MYL3: variants seen among roughly 807,000 people sequenced by gnomAD.
MYL3 encodes the protein CMLC1.
MYL3 carries 11 observed loss-of-function variants against 21.3 expected under a neutral mutation model. The observed-to-expected ratio is 0.52, with a 90% confidence interval of 0.32 to 0.85. MYL3 has a LOEUF of 0.85. Among genes scored for constraint, MYL3 ranks in the 40% least tolerant of loss-of-function variants. The pLI is 0.03. For missense variants in MYL3, 206 were observed against 253.3 expected, an observed-to-expected ratio of 0.81 and a Z score of 1.27; for synonymous variants, 88 against 91.6, an observed-to-expected ratio of 0.96 and a Z score of 0.22.
intron 1 of MYL3, among the ~76,000 whole-genome samples, chr3:46,877,431 AC>A (rs1308390714): frequency 6.6e-6 from 1 of 152,214 alleles, no homozygotes; most frequent in Non-Finnish European, 1.5e-5. Flanking sequence ...AGACAGGGAC[AC>A]AGAGACTAAG....
At chr3:46,867,963 C>T (rs765536649), upstream of MYL3, among the ~76,000 whole-genome samples, 7 of 152,216 alleles carry the variant, frequency 4.6e-5, no homozygotes, top group Non-Finnish European at 7.4e-5. Context: ...GATGGGGAGA[C>T]CGTGGCCCCA....
At position 46,859,787 on chromosome 3, in the gene MYL3, C is replaced by T. The variant is rs1701970603; in HGVS notation, c.308-139G>A. ...ACACCAGTTCTCACAGCAGTCTACA[C>T]CAGTTTGCCATTTAAAAGCAAACTA... On this transcript the variant is annotated intron_variant, in intron 3 of 6. Coordinates refer to ENST00000292327, the MANE Select transcript of MYL3 (RefSeq NM_000258.3). This position sits in a 1 kb window ranked among gnomAD's most constrained non-coding sequence, Gnocchi z 4.1. The T allele has an allele frequency of 9.7e-7, 1 of 1,029,536 alleles. No individual in the cohort carries two copies. Among genetic ancestry groups the T allele is most frequent in the Non-Finnish European group, 1.5e-6 (1 of 666,678 alleles). 63.8% of individuals were successfully genotyped at this position (1,029,536 alleles called of 1,614,324 possible).
rs1701977279 is a variant in MYL3, at chr3:46,860,313, A to T, written c.307+363T>A. On this transcript the variant is annotated intron_variant, in intron 3 of 6. Transcript: ENST00000292327. The surrounding 1 kb of genome is among the most constrained non-coding windows in gnomAD (Gnocchi z 4.6). ...CAAGCTAAATTTTTAATTTTTGTAGAGATAGAATCTCACTATGTTACCCAG... is the reference window on the plus strand; with the variant it reads ...CAAGCTAAATTTTTAATTTTTGTAGTGATAGAATCTCACTATGTTACCCAG... 6.6e-6 allele frequency among the ~76,000 whole-genome samples: 1 copy of T among 152,004 alleles called. No homozygotes were observed. The highest frequency in any genetic ancestry group is 1.9e-4 in the East Asian group (1 of 5,184).
chr3:46,881,421 G>T (rs1044673407), intron 1 of MYL3, among the ~76,000 whole-genome samples: 1 of 152,200 alleles, frequency 6.6e-6, no homozygotes, highest in Non-Finnish European at 1.5e-5. Context: ...GTCCGAGCCG[G>T]CCGATAGCTT....
At chr3:46,870,960 C>T (rs1039256077) in intron 1 of MYL3, among the ~76,000 whole-genome samples, 5 of 152,214 alleles carry the variant, frequency 3.3e-5, no homozygotes, top group African/African-American at 1.2e-4. Context: ...ACCATATATC[C>T]TCATGCTTCA....
chr3:46,873,923 G>A (rs990599937), intron 1 of MYL3, among the ~76,000 whole-genome samples: 1 of 152,214 alleles, frequency 6.6e-6, no homozygotes, highest in Non-Finnish European at 1.5e-5. Flanking sequence ...GTCCCCTCCA[G>A]CTTCAGGGAG....
In MYL3 at chr3:46,874,473, C is replaced by T. The variant is rs534380781; in HGVS notation, c.-218+7601G>A. Among the ~76,000 whole-genome samples, 11 of 152,266 alleles carry T rather than the reference C, an allele frequency of 7.2e-5. No individual in the cohort carries two copies. The highest frequency in any genetic ancestry group is 3.4e-3 in the Middle Eastern group (1 of 294). On this transcript the variant is annotated intron_variant, in intron 1 of 3. Coordinates refer to the MYL3 transcript ENST00000431168. The surrounding 1 kb of genome is among the most constrained non-coding windows in gnomAD (Gnocchi z 4.1). ...CTCGAGGGCTCCCGGCCACAGCCCC[C>T]GGCAAGGACCCAGTGTCTGAGCTAA...
At chr3:46,862,225 G>A (rs1475593168) in intron 1 of MYL3, among the ~76,000 whole-genome samples, 1 of 152,234 alleles carries the variant, frequency 6.6e-6, no homozygotes, top group African/African-American at 2.4e-5. Context: ...CCTGCAGAAT[G>A]CAAGCCTGGG....
chr3:46,876,424 C>T (rs2030217106), intron 1 of MYL3, among the ~76,000 whole-genome samples: 1 of 152,202 alleles, frequency 6.6e-6, no homozygotes, highest in Non-Finnish European at 1.5e-5. Context: ...ACAGAATAGC[C>T]TACGTGTCCC....
At position 46,860,519 on chromosome 3, in the gene MYL3, C is replaced by T. The variant is rs1356302083; in HGVS notation, c.307+157G>A. ...CCAGCAAACCATTACTGCATGTCAC[C>T]TGGTCGGCATGGCCCTGTGACTGGC... On this transcript the variant is annotated intron_variant, in intron 3 of 6. Coordinates refer to ENST00000292327, the MANE Select transcript of MYL3 (RefSeq NM_000258.3). The surrounding 1 kb of genome is among the most constrained non-coding windows in gnomAD (Gnocchi z 4.6). 6.6e-6 allele frequency among the ~76,000 whole-genome samples: 1 copy of T among 152,226 alleles called. No individual in the cohort carries two copies. The highest frequency in any genetic ancestry group is 1.5e-5 in the Non-Finnish European group (1 of 68,042).
upstream of MYL3, among the ~76,000 whole-genome samples, chr3:46,866,011 T>G (rs1347995697): frequency 6.6e-6 from 1 of 150,436 alleles, no homozygotes; most frequent in African/African-American, 2.5e-5. Context: ...TAGCCCCCAG[T>G]AGGCACTCTT....
At chr3:46,863,220 C>T (rs778666165) in intron 1 of MYL3, 42 bp downstream of exon 1, 1 of 1,612,944 alleles carries the variant, frequency 6.2e-7, no homozygotes, top group African/African-American at 1.3e-5. Context: ...GATCCACTCA[C>T]TTGCCCTGCT....
chr3:46,877,474 T>C (rs939403459), intron 1 of MYL3, among the ~76,000 whole-genome samples: 17 of 151,998 alleles, frequency 1.1e-4, no homozygotes, highest in African/African-American at 3.4e-4. Flanking sequence ...GAGAGGACTA[T>C]TGAGGCACAC....
At chr3:46,867,743 TGGGCC>T (rs1252405870), upstream of MYL3, among the ~76,000 whole-genome samples, 57 of 152,338 alleles carry the variant, frequency 3.7e-4, no homozygotes, top group South Asian at 0.011. Context: ...GAACACGGCC[TGGGCC>T]AGACCCAGAG....
intron 1 of MYL3, among the ~76,000 whole-genome samples, chr3:46,877,005 T>G (rs979855580): frequency 2.6e-5 from 4 of 152,140 alleles, no homozygotes; most frequent in African/African-American, 7.2e-5. Context: ...GAAGTCATCC[T>G]GTCCACAGCC....
At position 46,860,835 on chromosome 3, in the gene MYL3, G is replaced by A. The variant is rs765419653; in HGVS notation, c.158-10C>T. ...AAGGCTTCCTTGAACTCTGCCAGGA[G>A]AGGGCAGTGAGCCACAGACACTCCC... On this transcript the variant is annotated splice_polypyrimidine_tract_variant and intron_variant, in intron 2 of 6. Coordinates refer to ENST00000292327, the MANE Select transcript of MYL3 (RefSeq NM_000258.3). The surrounding 1 kb of genome is among the most constrained non-coding windows in gnomAD (Gnocchi z 4.6). 17 of 1,613,928 alleles carry A rather than the reference G, an allele frequency of 1.1e-5. No individual in the cohort carries two copies. The South Asian group carries it at 1.1e-4, about 10-fold the overall frequency.
At chr3:46,868,950 C>T (rs985924151) in intron 1 of MYL3, among the ~76,000 whole-genome samples, 3 of 152,110 alleles carry the variant, frequency 2.0e-5, no homozygotes, top group Non-Finnish European at 2.9e-5. Context: ...GGGTGAGGTT[C>T]GGGATACCGG....
In MYL3 at chr3:46,859,426, C is replaced by A. The variant is rs774729687; in HGVS notation, c.481+49G>T. On this transcript the variant is annotated intron_variant, in intron 4 of 6. Coordinates refer to ENST00000292327, the MANE Select transcript of MYL3 (RefSeq NM_000258.3). This position sits in a 1 kb window ranked among gnomAD's most constrained non-coding sequence, Gnocchi z 4.1. ...CTGGGGGGCAACAGAGTGGTTTCTC[C>A]CAGGATGTCCCTGGAAGGAGTTGGG... is the stretch of plus-strand genomic sequence containing the variant. The A allele has an allele frequency of 2.5e-6, 4 of 1,612,476 alleles. No individual in the cohort carries two copies. In the South Asian group the frequency reaches 4.4e-5, roughly 18 times the overall value.
chr3:46,863,121 G>A (rs1251085935), intron 1 of MYL3, 141 bp downstream of exon 1: 15 of 1,277,946 alleles, frequency 1.2e-5, no homozygotes, highest in Middle Eastern at 2.6e-4. Context: ...AAGCAGTCAG[G>A]GCTTGTCTGA....
Sources: allele counts gnomAD v4.1 joint callset (sites outside exome capture counted in the v4.1 genomes callset), GRCh38; gene constraint gnomAD v4.1.1; non-coding constraint Gnocchi (gnomAD v3.1); transcripts MANE v1.5; gene names NCBI Gene and HGNC (gene_info 2026-07-23, HGNC 2026-07-21).